The following ARHGAP10 variants were observed in gnomAD, a reference collection of about 807,000 sequenced individuals.
The protein encoded by ARHGAP10 is Rho GTPase activating protein 10.
In ARHGAP10, 87 loss-of-function variants were observed where a neutral mutation model predicts 108.6. That is an observed-to-expected ratio of 0.80 (90% CI 0.67 to 0.96). The LOEUF (loss-of-function observed/expected upper bound fraction) is 0.96, where lower values mean the gene tolerates loss of function less well. Ranked by LOEUF, ARHGAP10 falls within the 40% of genes least tolerant of loss-of-function variation. The pLI is 0.00. For missense variants in ARHGAP10, 939 were observed against 954.5 expected, an observed-to-expected ratio of 0.98 and a Z score of 0.21; for synonymous variants, 347 against 341.1, an observed-to-expected ratio of 1.02 and a Z score of -0.19.
At chr4:147,743,574 T>A (rs1728784045) in intron 1 of ARHGAP10, among the ~76,000 whole-genome samples, 1 of 152,036 alleles carries the variant, frequency 6.6e-6, no homozygotes, top group Non-Finnish European at 1.5e-5. Context: ...GGTCGGGAGT[T>A]GGAGACCAGC....
intron 1 of ARHGAP10, among the ~76,000 whole-genome samples, chr4:147,792,793 C>T (rs544001707): frequency 6.6e-6 from 1 of 152,184 alleles, no homozygotes; most frequent in Admixed American, 6.5e-5. Context: ...TCTGTGAACT[C>T]CTTTTCAGCT....
intron 19 of ARHGAP10, among the ~76,000 whole-genome samples, chr4:148,033,548 T>C (rs1449658452): frequency 1.3e-5 from 2 of 152,242 alleles, no homozygotes; most frequent in Non-Finnish European, 2.9e-5. Flanking sequence ...TATACATATT[T>C]GTATTTCCTA....
intron 11 of ARHGAP10, among the ~76,000 whole-genome samples, chr4:147,908,164 T>C (rs561231279): frequency 3.5e-4 from 54 of 152,248 alleles, no homozygotes; most frequent in Non-Finnish European, 3.7e-4. Context: ...TTATTCTTAA[T>C]TTGTTGTTGA....
At chr4:147,955,692 T>TA (rs780672034) in intron 16 of ARHGAP10, among the ~76,000 whole-genome samples, 1 of 152,082 alleles carries the variant, frequency 6.6e-6, no homozygotes, top group Non-Finnish European at 1.5e-5. Context: ...AAATGTACAA[T>TA]AATGGCATGA....
intron 1 of ARHGAP10, among the ~76,000 whole-genome samples, chr4:147,745,889 C>T (rs1443315706): frequency 3.3e-5 from 5 of 150,468 alleles, no homozygotes; most frequent in East Asian, 2.0e-4. Context: ...CAGGTTCAAG[C>T]GATTCTCCTG....
chr4:147,896,627 C>G (rs1394334801), intron 10 of ARHGAP10, among the ~76,000 whole-genome samples: 1 of 151,668 alleles, frequency 6.6e-6, no homozygotes, highest in Non-Finnish European at 1.5e-5. Flanking sequence ...ATATTAACCA[C>G]TTTTTATTTC....
At chr4:147,903,704 A>G (rs1736342354) in intron 10 of ARHGAP10, among the ~76,000 whole-genome samples, 1 of 152,266 alleles carries the variant, frequency 6.6e-6, no homozygotes, top group South Asian at 2.1e-4. Context: ...TGAATCACAC[A>G]GTGTGTAGAC....
chr4:147,839,134 A>ATCTGTCTGTCTGTCTGTCTG (rs1213326296), intron 3 of ARHGAP10, among the ~76,000 whole-genome samples: 5 of 143,924 alleles, frequency 3.5e-5, no homozygotes, highest in African/African-American at 1.3e-4. Context: ...CTATCTATCT[A>ATCTGTCTGTCTGTCTGTCTG]TCTATCTATC....
chr4:148,057,451 G>A (rs1317827680), intron 20 of ARHGAP10, among the ~76,000 whole-genome samples: 2 of 152,198 alleles, frequency 1.3e-5, no homozygotes, highest in African/African-American at 4.8e-5. Flanking sequence ...ATGACCTTGA[G>A]TAAGTTGCTT....
Position 148,048,254 on chromosome 4 carries a change from C to T in ARHGAP10, c.2027+1203C>T, listed in dbSNP as rs144713852. On this transcript the variant is annotated intron_variant, in intron 20 of 22. Coordinates refer to ENST00000336498, the MANE Select transcript of ARHGAP10 (RefSeq NM_024605.4). ...GGACTGGAAAGTGTTCCTCAGATTA[C>T]GTGGCTTTTTATAGTTACTGCTGGA... Among the ~76,000 whole-genome samples the T allele has an allele frequency of 6.7e-4, 102 of 152,316 alleles. No homozygotes were observed. The East Asian group carries it at 8.5e-3, about 13-fold the overall frequency.
chr4:147,907,480 T>C (rs1020046980), intron 11 of ARHGAP10, among the ~76,000 whole-genome samples: 6 of 152,176 alleles, frequency 3.9e-5, no homozygotes, highest in Admixed American at 2.0e-4. Context: ...TGGAAAGCAT[T>C]TGCCAGTTCA....
intron 19 of ARHGAP10, among the ~76,000 whole-genome samples, chr4:148,033,981 G>A (rs1311623495): frequency 1.3e-5 from 2 of 152,120 alleles, no homozygotes; most frequent in Non-Finnish European, 2.9e-5. Flanking sequence ...TGCTTGTAAC[G>A]GTTAAGTTTG....
At chr4:147,791,541 C>T (rs972815875) in intron 1 of ARHGAP10, among the ~76,000 whole-genome samples, 8 of 151,840 alleles carry the variant, frequency 5.3e-5, no homozygotes, top group Non-Finnish European at 1.2e-4. Flanking sequence ...TGTGCGCGCG[C>T]GTGCGTGCGC....
intron 1 of ARHGAP10, among the ~76,000 whole-genome samples, chr4:147,756,756 T>A (rs1382449108): frequency 6.6e-6 from 1 of 152,090 alleles, no homozygotes; most frequent in Non-Finnish European, 1.5e-5. Flanking sequence ...CCTCCCTGGA[T>A]AAGGGGGGAC....
chr4:147,880,955 A>C, intron 9 of ARHGAP10, among the ~76,000 whole-genome samples: 1 of 152,232 alleles, frequency 6.6e-6, no homozygotes. Flanking sequence ...AGTATCTTAA[A>C]ACTGTACTGT....
At chr4:147,769,944 G>A (rs906855355) in intron 1 of ARHGAP10, among the ~76,000 whole-genome samples, 1 of 152,186 alleles carries the variant, frequency 6.6e-6, no homozygotes, top group Admixed American at 6.5e-5. Context: ...AATAATTAAT[G>A]TGGAGTGTTG....
intron 3 of ARHGAP10, among the ~76,000 whole-genome samples, chr4:147,823,267 C>G (rs917238190): frequency 6.6e-6 from 1 of 152,142 alleles, no homozygotes; most frequent in South Asian, 2.1e-4. Context: ...TATGTAGGCT[C>G]TCATGCAGAA....
intron 18 of ARHGAP10, among the ~76,000 whole-genome samples, chr4:148,002,162 T>C (rs1473493127): frequency 6.6e-6 from 1 of 152,226 alleles, no homozygotes; most frequent in African/African-American, 2.4e-5. Flanking sequence ...TTGCATCTAT[T>C]GAGATAATCA....
rs1385277180 is a variant in ARHGAP10, at chr4:147,887,735, G to T, written c.1034+5803G>T. Among the ~76,000 whole-genome samples the T allele has an allele frequency of 2.6e-5, 4 of 151,938 alleles. No homozygotes were observed. The East Asian group carries it at 5.8e-4, about 22-fold the overall frequency. ...AAATTAGCCGGGTGTGGTGGCGGGC[G>T]CTTGTAGTCCCAGCTACTCAGGAGG... On this transcript the variant is annotated intron_variant, in intron 10 of 22. Coordinates refer to ENST00000336498, the MANE Select transcript of ARHGAP10 (RefSeq NM_024605.4).
Sources: allele counts gnomAD v4.1 joint callset (sites outside exome capture counted in the v4.1 genomes callset), GRCh38; gene constraint gnomAD v4.1.1; transcripts MANE v1.5; gene names NCBI Gene and HGNC (gene_info 2026-07-23, HGNC 2026-07-21).